PTPRH: variants seen among roughly 807,000 people sequenced by gnomAD.
PTPRH encodes receptor-type tyrosine-protein phosphatase H.
In PTPRH, 113 loss-of-function variants were observed where a neutral mutation model predicts 130.2. The ratio of observed to expected loss-of-function variants is 0.87; its 90% CI spans 0.75 to 1.01. The LOEUF (loss-of-function observed/expected upper bound fraction) is 1.01, where lower values mean the gene tolerates loss of function less well. PTPRH is among the 50% of genes least tolerant of loss of function. The pLI, the probability that PTPRH is intolerant of heterozygous loss-of-function variation, is 0.00. For missense variants in PTPRH, 1,430 were observed against 1,425.0 expected (o/e 1.00, Z -0.06); for synonymous variants, 556 against 577.9 (o/e 0.96, Z 0.54).
In PTPRH at chr19:55,191,695, G is replaced by C. The variant is rs1437923251; in HGVS notation, c.2304C>G (p.Leu768=). The part of the protein sequence containing the change: ...AFVGILLFLI[L]VGLLIFFLKR... ...TCAGGAAGAAAATCAGCAGGCCCAC[G>C]AGGATGAGAAACAGGAGGATGCCCA... Residue 768 remains leucine, a synonymous_variant, in exon 11 of 20, where the codon CTC becomes CTG. Coordinates refer to ENST00000376350, the MANE Select transcript of PTPRH (RefSeq NM_002842.5). 8 of 1,613,966 alleles carry C rather than the reference G, an allele frequency of 5.0e-6. No individual in the cohort carries two copies. The Admixed American group carries it at 8.3e-5, about 17-fold the overall frequency.
intron 18 of PTPRH, among the ~76,000 whole-genome samples, chr19:55,183,007 G>A (rs1568886694): frequency 6.6e-6 from 1 of 151,402 alleles, no homozygotes; most frequent in East Asian, 2.0e-4. Context: ...TGTTGCCCAG[G>A]CTGGTCTCAA....
intron 14 of PTPRH, among the ~76,000 whole-genome samples, 152 bp downstream of exon 14, chr19:55,187,357 AAAAG>A (rs1320890277): frequency 0.01 from 1,128 of 112,668 alleles, 86 homozygotes; most frequent in African/African-American, 0.044. Context: ...AAAAAAAAAA[AAAAG>A]AAAAAAAGAA....
intron 15 of PTPRH, 24 bp downstream of exon 15, chr19:55,186,440 T>C: frequency 5.0e-6 from 8 of 1,614,060 alleles, no homozygotes; most frequent in Non-Finnish European, 6.8e-6. Context: ...CTGGGCACCC[T>C]TTCAATCCCA....
In PTPRH at chr19:55,206,785, C is replaced by T. The variant is rs373999553; in HGVS notation, c.256G>A (p.Val86Met). The T allele has an allele frequency of 3.7e-6, 6 of 1,614,082 alleles. No individual in the cohort carries two copies. The highest frequency in any genetic ancestry group is 2.7e-5 in the African/African-American group (2 of 74,928). ...TRNTTATNVT[V>M]DGLGPGSLYT... ...AATGACCCGGGTCCAAGGCCATCCA[C>T]GGTGACGTTGGTGGCTGTTGTGTTT... is the stretch of plus-strand genomic sequence containing the variant. The change falls in exon 3 of 20, where the codon GTG becomes ATG. Residue 86 changes from valine to methionine, a missense_variant. By Grantham distance (21) the Val-to-Met change is conservative. Transcript: ENST00000376350.
intron 1 of PTPRH, among the ~76,000 whole-genome samples, chr19:55,208,353 C>G (rs1205676556): frequency 2.2e-4 from 1 of 4,566 alleles, no homozygotes. Flanking sequence ...CTGGGGGTCT[C>G]GACCTCTGGT....
intron 7 of PTPRH, among the ~76,000 whole-genome samples, chr19:55,199,761 AAGAG>A (rs2086798129): frequency 1.4e-5 from 2 of 144,040 alleles, no homozygotes; most frequent in Admixed American, 1.4e-4. Context: ...AAGAAAGAGA[AAGAG>A]AAAGAAAGAA....
intron 7 of PTPRH, among the ~76,000 whole-genome samples, chr19:55,199,785 GAC>G (rs1334518596): frequency 2.1e-5 from 3 of 145,052 alleles, no homozygotes; most frequent in Admixed American, 7.1e-5. Context: ...AAGAGAGAGA[GAC>G]AGAAAAAAAG....
rs376854415 is a variant in PTPRH, at chr19:55,188,499, C to T, written c.2385-331G>A. ...CTGCACTCCAGCCTGGGTGAAAGGGCGAGACTCCGTCTCAAAAAATAAGAA... is the reference window on the plus strand; with the variant it reads ...CTGCACTCCAGCCTGGGTGAAAGGGTGAGACTCCGTCTCAAAAAATAAGAA... On this transcript the variant is annotated intron_variant, in intron 12 of 19. Transcript: ENST00000376350. 9.9e-5 allele frequency among the ~76,000 whole-genome samples: 15 copies of T among 152,100 alleles called. No individual in the cohort carries two copies. The East Asian group carries it at 2.1e-3, about 22-fold the overall frequency.
intron 12 of PTPRH, among the ~76,000 whole-genome samples, chr19:55,189,131 G>A: frequency 6.6e-6 from 1 of 152,118 alleles, no homozygotes. Flanking sequence ...GATTACAGGT[G>A]CCAGCCACCA....
At position 55,186,358 on chromosome 19, in the gene PTPRH, C is replaced by T. The variant is rs1482288161; in HGVS notation, c.2645G>A (p.Gly882Asp). The change falls in exon 16 of 20, where the codon GGT becomes GAT. Residue 882 changes from glycine (G) to aspartate (D), a missense_variant and splice_region_variant. Transcript: ENST00000376350. Reference protein sequence around the residue: ...SDYINASFMPGLWSPQEFIAT... With the variant: ...SDYINASFMPDLWSPQEFIAT... Reference sequence around the variant, plus strand: ...AATGAACTCCTGGGGGCTCCAGAGACCCTGGTTGAGGAAGGCAGGCGGGTC... The same window carrying T: ...AATGAACTCCTGGGGGCTCCAGAGATCCTGGTTGAGGAAGGCAGGCGGGTC... 1.2e-6 allele frequency: 2 copies of T among 1,613,270 alleles called. No homozygotes were observed. Among genetic ancestry groups the T allele is most frequent in the South Asian group, 1.1e-5 (1 of 91,056 alleles).
chr19:55,190,462 T>C (rs1277277956), intron 12 of PTPRH, among the ~76,000 whole-genome samples: 1 of 140,060 alleles, frequency 7.1e-6, no homozygotes, highest in Non-Finnish European at 1.5e-5. Context: ...ATTTTATATA[T>C]TATAAATTTA....
chr19:55,196,653 C>T lies in PTPRH; in HGVS notation c.2126G>A (p.Arg709Lys). The T allele has an allele frequency of 6.2e-7, 1 of 1,614,106 alleles. No homozygotes were observed. Among genetic ancestry groups the T allele is most frequent in the Non-Finnish European group, 8.5e-7 (1 of 1,180,024 alleles). The stretch of plus-strand genomic sequence containing the variant: ...AGACACAGCCTCCCCACATGAAGAT[C>T]TGTCCTGGGAGCCCCGCTGTCCTCC... ...EVGGQRGSQD[R>K]SSCGEAVSVL... The change falls in exon 10 of 20, where the codon AGA becomes AAA. Residue 709 changes from arginine (R) to lysine (K), a missense_variant. Physicochemically the swap from Arg to Lys is conservative, Grantham distance 26 (BLOSUM62 2). Coordinates refer to ENST00000376350, the MANE Select transcript of PTPRH (RefSeq NM_002842.5).
chr19:55,202,712 C>A (rs1218938647), intron 5 of PTPRH, among the ~76,000 whole-genome samples: 1 of 151,570 alleles, frequency 6.6e-6, no homozygotes, highest in Non-Finnish European at 1.5e-5. Flanking sequence ...TTTAATGATC[C>A]TTTCCTTATA....
At chr19:55,184,916 T>C (rs1205275395) in intron 18 of PTPRH, among the ~76,000 whole-genome samples, 3 of 152,146 alleles carry the variant, frequency 2.0e-5, no homozygotes, top group Non-Finnish European at 4.4e-5. Flanking sequence ...TCAGAATCTG[T>C]GGCCACATCC....
intron 12 of PTPRH, among the ~76,000 whole-genome samples, 170 bp downstream of exon 12, chr19:55,191,331 G>C (rs1017813612): frequency 3.3e-5 from 5 of 152,212 alleles, no homozygotes; most frequent in Admixed American, 1.3e-4. Context: ...GGCTGCTTGG[G>C]GAGTGAGTCA....
In PTPRH at chr19:55,204,068, G is replaced by T. The variant is rs770339803; in HGVS notation, c.620-20C>A. On this transcript the variant is annotated intron_variant, in intron 4 of 19. Transcript: ENST00000376350. ...TGTGAGCTGAGAAATTAGGAAGAAA[G>T]ATCTAATATGAGCAGGACTACAGAA... 2.5e-6 allele frequency: 4 copies of T among 1,600,892 alleles called. No homozygotes were observed. The Admixed American group carries it at 5.1e-5, about 20-fold the overall frequency.
In PTPRH at chr19:55,186,372, G is replaced by T. The variant is rs181157531; in HGVS notation, c.2644-13C>A. On this transcript the variant is annotated splice_polypyrimidine_tract_variant and intron_variant, in intron 15 of 19. Coordinates refer to ENST00000376350, the MANE Select transcript of PTPRH (RefSeq NM_002842.5). ...GGCTCCAGAGACCCTGGTTGAGGAA[G>T]GCAGGCGGGTCAGGGGGGCCTTTAG... is the stretch of plus-strand genomic sequence containing the variant. 28 of 1,611,266 alleles carry T rather than the reference G, an allele frequency of 1.7e-5. No individual in the cohort carries two copies. Among genetic ancestry groups the T allele is most frequent in the Non-Finnish European group, 2.0e-5 (23 of 1,178,908 alleles).
At chr19:55,192,306 G>A (rs974561385) in intron 10 of PTPRH, among the ~76,000 whole-genome samples, 6 of 151,850 alleles carry the variant, frequency 4.0e-5, no homozygotes, top group Non-Finnish European at 8.8e-5. Context: ...GGAGGCTGAG[G>A]CAGGAGAATG....
At chr19:55,205,800 C>T (rs1364018363) in intron 3 of PTPRH, among the ~76,000 whole-genome samples, 8 of 152,182 alleles carry the variant, frequency 5.3e-5, no homozygotes, top group East Asian at 1.9e-4. Flanking sequence ...AGATCCACAC[C>T]GGCTTTCGAA....
Sources: gnomAD v4.1 joint callset for allele counts (sites outside exome capture counted in the v4.1 genomes callset) on GRCh38, gnomAD v4.1.1 for gene constraint, MANE v1.5 for transcripts, NCBI Gene and HGNC (gene_info 2026-07-23, HGNC 2026-07-21) for gene names.